The following KCNMB2 variants were observed in gnomAD, a reference collection of about 807,000 sequenced individuals.
KCNMB2 encodes potassium calcium-activated channel subfamily M regulatory beta subunit 2, also known as calcium-activated potassium channel subunit beta-2.
A neutral mutation model predicts 24.5 loss-of-function variants in KCNMB2; 9 were observed. The ratio of observed to expected loss-of-function variants is 0.37; its 90% CI spans 0.22 to 0.64. The LOEUF (loss-of-function observed/expected upper bound fraction) is 0.64, where lower values mean the gene tolerates loss of function less well. Among genes scored for constraint, KCNMB2 ranks in the 30% least tolerant of loss-of-function variants. The pLI is 0.63. For synonymous variants in KCNMB2, 109 were observed against 104.4 expected (o/e 1.04, Z -0.27); for missense variants, 226 against 284.3 (o/e 0.79, Z 1.47).
intron 2 of KCNMB2, among the ~76,000 whole-genome samples, chr3:178,817,218 T>TATATATATATATAC (rs147866886): frequency 3.0e-5 from 4 of 134,918 alleles, no homozygotes; most frequent in African/African-American, 1.3e-4. Flanking sequence ...GTTAATGACA[T>TATATATATATATAC]ATATATATAA....
intron 1 of KCNMB2, among the ~76,000 whole-genome samples, chr3:178,754,946 T>C (rs1341438706): frequency 2.6e-5 from 4 of 152,222 alleles, no homozygotes; most frequent in Non-Finnish European, 4.4e-5. Flanking sequence ...GTGCACTCCA[T>C]GTTTGGGCAT....
chr3:178,696,503 C>T (rs1252760965), intron 1 of KCNMB2, among the ~76,000 whole-genome samples: 3 of 152,102 alleles, frequency 2.0e-5, no homozygotes, highest in African/African-American at 7.2e-5. Context: ...CTTTATTATT[C>T]TAGCTAGAAG....
intron 1 of KCNMB2, among the ~76,000 whole-genome samples, chr3:178,569,189 A>G (rs1716678662): frequency 6.6e-6 from 1 of 152,158 alleles, no homozygotes. Context: ...TCAGAACTAC[A>G]TAGACTTTGC....
At chr3:178,633,092 C>A (rs551615639) in intron 1 of KCNMB2, among the ~76,000 whole-genome samples, 1 of 152,218 alleles carries the variant, frequency 6.6e-6, no homozygotes, top group African/African-American at 2.4e-5. Context: ...TGGGCAGCTC[C>A]GCCCCTGTAG....
chr3:178,597,071 G>A (rs1266334246), intron 1 of KCNMB2, among the ~76,000 whole-genome samples: 1 of 152,082 alleles, frequency 6.6e-6, no homozygotes, highest in Non-Finnish European at 1.5e-5. Flanking sequence ...ATGCTGAGGA[G>A]ACTCATAAAA....
chr3:178,567,197 A>G (rs1716557630), intron 1 of KCNMB2, among the ~76,000 whole-genome samples: 1 of 152,170 alleles, frequency 6.6e-6, no homozygotes, highest in South Asian at 2.1e-4. Context: ...TTCTGAATGT[A>G]CATGTAGATG....
chr3:178,570,653 G>C (rs937453651), intron 1 of KCNMB2, among the ~76,000 whole-genome samples: 2 of 150,392 alleles, frequency 1.3e-5, no homozygotes, highest in African/African-American at 2.4e-5. Flanking sequence ...AAAAAACCCT[G>C]AACACTTGAT....
intron 1 of KCNMB2, among the ~76,000 whole-genome samples, chr3:178,798,537 T>C (rs1342458462): frequency 3.3e-5 from 5 of 152,124 alleles, no homozygotes; most frequent in African/African-American, 1.2e-4. Flanking sequence ...TGGAATACTA[T>C]GCAGCCATAA....
chr3:178,839,518 T>G (rs913238617), intron 4 of KCNMB2, among the ~76,000 whole-genome samples: 1 of 152,118 alleles, frequency 6.6e-6, no homozygotes, highest in Non-Finnish European at 1.5e-5. Context: ...GTTTTCACAC[T>G]GCTAGAAAGA....
At chr3:178,598,402 C>A (rs992747381) in intron 1 of KCNMB2, among the ~76,000 whole-genome samples, 1 of 151,874 alleles carries the variant, frequency 6.6e-6, no homozygotes, top group Non-Finnish European at 1.5e-5. Flanking sequence ...AATAGGTATT[C>A]TGCTTATTTA....
intron 1 of KCNMB2, among the ~76,000 whole-genome samples, chr3:178,547,988 A>G (rs1038613080): frequency 2.0e-5 from 3 of 152,200 alleles, no homozygotes; most frequent in East Asian, 3.8e-4. Flanking sequence ...TCCTCTTCCA[A>G]CGATAGATCT....
At chr3:178,716,920 C>A (rs1164282608) in intron 1 of KCNMB2, among the ~76,000 whole-genome samples, 3 of 152,058 alleles carry the variant, frequency 2.0e-5, no homozygotes, top group Non-Finnish European at 2.9e-5. Context: ...TCATTCATAT[C>A]CACAGGTCAT....
intron 1 of KCNMB2, among the ~76,000 whole-genome samples, chr3:178,806,297 G>A (rs910772208): frequency 6.6e-6 from 1 of 152,128 alleles, no homozygotes; most frequent in Non-Finnish European, 1.5e-5. Flanking sequence ...ACCTTGCAGA[G>A]TTTTCATTGT....
chr3:178,622,751 C>A (rs1718969083), intron 1 of KCNMB2, among the ~76,000 whole-genome samples: 1 of 152,160 alleles, frequency 6.6e-6, no homozygotes, highest in Admixed American at 6.5e-5. Context: ...TATCCAGGCG[C>A]CCCTGCTGAC....
At chr3:178,826,283 C>T (rs1577218226) in intron 3 of KCNMB2, among the ~76,000 whole-genome samples, 1 of 152,182 alleles carries the variant, frequency 6.6e-6, no homozygotes, top group Non-Finnish European at 1.5e-5. Flanking sequence ...TACCCAGCCC[C>T]CATCATCATC....
At chr3:178,717,809 G>T (rs554292077) in intron 1 of KCNMB2, among the ~76,000 whole-genome samples, 33 of 152,068 alleles carry the variant, frequency 2.2e-4, no homozygotes, top group Admixed American at 9.2e-4. Flanking sequence ...AACCTGGGGA[G>T]TAGGTAGACA....
chr3:178,804,596 A>G (rs773039253), intron 1 of KCNMB2, among the ~76,000 whole-genome samples: 1 of 152,250 alleles, frequency 6.6e-6, no homozygotes, highest in Non-Finnish European at 1.5e-5. Flanking sequence ...ATCTTGAAAC[A>G]GAGCAAAGAT....
At chr3:178,779,120 G>A (rs2108429428) in intron 1 of KCNMB2, among the ~76,000 whole-genome samples, 1 of 152,312 alleles carries the variant, frequency 6.6e-6, no homozygotes, top group East Asian at 1.9e-4. Context: ...ATTTTTCACA[G>A]TGGGTTATTC....
At position 178,616,431 on chromosome 3, in the gene KCNMB2, T is replaced by G. The variant is rs1044246705; in HGVS notation, c.-68+79720T>G. 3.3e-5 allele frequency among the ~76,000 whole-genome samples: 5 copies of G among 152,178 alleles called. No individual in the cohort carries two copies. In the East Asian group the frequency reaches 9.6e-4, roughly 29 times the overall value. ...TGGGTGTTGGAAGAGTTTTGTCTGG[T>G]TCTCTTCTGGTCTAACAGGATAGTA... On this transcript the variant is annotated intron_variant, in intron 1 of 4. Coordinates refer to ENST00000452583, the MANE Select transcript of KCNMB2 (RefSeq NM_181361.3).
Sources: allele counts gnomAD v4.1 joint callset (sites outside exome capture counted in the v4.1 genomes callset), GRCh38; gene constraint gnomAD v4.1.1; transcripts MANE v1.5; gene names NCBI Gene and HGNC (gene_info 2026-07-23, HGNC 2026-07-21).